FUT8: variants seen among roughly 807,000 people sequenced by gnomAD.
FUT8 encodes fucosyltransferase 8.
In FUT8, 29 loss-of-function variants were observed where a neutral mutation model predicts 71.3. That is an observed-to-expected ratio of 0.41 (90% CI 0.30 to 0.55). FUT8 has a LOEUF of 0.55. FUT8 is among the 20% of genes least tolerant of loss of function. FUT8 has a pLI of 0.34. For synonymous variants in FUT8, 254 were observed against 239.3 expected (o/e 1.06, Z -0.57); for missense variants, 544 against 702.1 (o/e 0.77, Z 2.55).
intron 7 of FUT8, among the ~76,000 whole-genome samples, chr14:65,712,034 C>A (rs1402560365): frequency 6.6e-6 from 1 of 152,122 alleles, no homozygotes; most frequent in Non-Finnish European, 1.5e-5. Context: ...TACATTATTT[C>A]TTTAATGGTA....
rs535226312 is a variant in FUT8, at chr14:65,693,195, A to G, written c.835+23715A>G. On this transcript the variant is annotated intron_variant, in intron 7 of 10. Transcript: ENST00000673929. ...GGTTGTAGCGAGCCGAGATCACGCC[A>G]CTGCACTCCAGCCTGGGCACCATTG... is the stretch of plus-strand genomic sequence containing the variant. 6.6e-5 allele frequency among the ~76,000 whole-genome samples: 10 copies of G among 152,336 alleles called. No homozygotes were observed. In the South Asian group the frequency reaches 2.1e-3, roughly 32 times the overall value.
At chr14:65,693,504 GGAAA>G (rs762279861) in intron 7 of FUT8, among the ~76,000 whole-genome samples, 4 of 152,230 alleles carry the variant, frequency 2.6e-5, no homozygotes, top group Non-Finnish European at 4.4e-5. Context: ...GGGAGACCGT[GGAAA>G]GAGAGGGAGA....
intron 7 of FUT8, among the ~76,000 whole-genome samples, chr14:65,692,368 CA>C (rs199838384): frequency 6.8e-6 from 1 of 146,344 alleles, no homozygotes; most frequent in East Asian, 2.1e-4. Context: ...CTGACCCCCC[CA>C]CCTCCCTCCC....
At chr14:65,679,639 C>T (rs1892941285) in intron 7 of FUT8, among the ~76,000 whole-genome samples, 1 of 152,140 alleles carries the variant, frequency 6.6e-6, no homozygotes, top group African/African-American at 2.4e-5. Flanking sequence ...TAAACAGTGA[C>T]ATAGTATCTT....
chr14:65,633,977 C>CGG (rs921223837), intron 6 of FUT8, among the ~76,000 whole-genome samples: 2 of 142,600 alleles, frequency 1.4e-5, no homozygotes, highest in African/African-American at 5.2e-5. Context: ...CCGCCCCATC[C>CGG]GGGAGGTGAG....
chr14:65,552,083 G>A (rs911217493), intron 2 of FUT8, among the ~76,000 whole-genome samples: 3 of 152,192 alleles, frequency 2.0e-5, no homozygotes, highest in East Asian at 1.9e-4. Flanking sequence ...TCAAATTATA[G>A]TATTATAACT....
At chr14:65,565,573 A>G (rs1886150614) in intron 3 of FUT8, among the ~76,000 whole-genome samples, 3 of 152,002 alleles carry the variant, frequency 2.0e-5, no homozygotes, top group African/African-American at 7.2e-5. Context: ...TAACTTTATA[A>G]GAAGCAACCC....
chr14:65,575,082 ATTATTTTATTTATTAAT>A (rs1566830023), intron 3 of FUT8, among the ~76,000 whole-genome samples: 1 of 150,962 alleles, frequency 6.6e-6, no homozygotes, highest in Non-Finnish European at 1.5e-5. Flanking sequence ...ATTTTATTTT[ATTATTTTATTTATTAAT>A]TTATTTTATT....
chr14:65,701,421 G>T (rs533564531), intron 7 of FUT8, among the ~76,000 whole-genome samples: 10 of 152,266 alleles, frequency 6.6e-5, no homozygotes, highest in African/African-American at 2.4e-4. Context: ...TGGGTTTTCT[G>T]TCCCAAAGTA....
At chr14:65,623,281 C>CT (rs200057529) in intron 5 of FUT8, among the ~76,000 whole-genome samples, 9,725 of 150,744 alleles carry the variant, frequency 0.065, 581 homozygotes, top group African/African-American at 0.15. Flanking sequence ...GACTAGAAGT[C>CT]TTTTTTTTTT....
chr14:65,594,302 C>G (rs1952605), intron 3 of FUT8, among the ~76,000 whole-genome samples: 128 of 152,274 alleles, frequency 8.4e-4, no homozygotes, highest in African/African-American at 2.9e-3. Flanking sequence ...CTCCACCCCT[C>G]GCAGGAGGGA....
At chr14:65,393,064 C>T in the FUT8 span, among the ~76,000 whole-genome samples, 1 of 152,090 alleles carries the variant, frequency 6.6e-6, no homozygotes, top group Non-Finnish European at 1.5e-5. Flanking sequence ...CCTTTTGGTT[C>T]CTTTGTGATA....
At position 65,564,107 on chromosome 14, in the gene FUT8, G is replaced by A. The variant is rs774176730; in HGVS notation, c.203+2341G>A. The stretch of plus-strand genomic sequence containing the variant: ...TCTTCCAAAGGGATGTCGTTTTAGA[G>A]CCCTCTGGCATGAAAGGAAGAGCAA... On this transcript the variant is annotated intron_variant, in intron 3 of 10. Coordinates refer to ENST00000673929, the MANE Select transcript of FUT8 (RefSeq NM_001371533.1). Among the ~76,000 whole-genome samples the A allele has an allele frequency of 1.2e-3, 181 of 152,038 alleles. 2 individuals carry two copies. The highest frequency in any genetic ancestry group is 1.4e-3 in the Admixed American group (22 of 15,232).
At chr14:65,497,250 AT>A (rs2066573367) in intron 2 of FUT8, among the ~76,000 whole-genome samples, 1 of 152,190 alleles carries the variant, frequency 6.6e-6, no homozygotes, top group Admixed American at 6.5e-5. Context: ...GGGAATGGGC[AT>A]TTTGATCAGA....
chr14:65,684,203 A>G (rs1893169403), intron 7 of FUT8, among the ~76,000 whole-genome samples: 1 of 152,156 alleles, frequency 6.6e-6, no homozygotes, highest in Admixed American at 6.5e-5. Context: ...TTATCAGTAC[A>G]TATTCCTCTG....
rs192936204 is a variant in FUT8 at position 65,680,411 on chromosome 14, G to A, written c.835+10931G>A. 1.1e-4 allele frequency among the ~76,000 whole-genome samples: 16 copies of A among 152,220 alleles called. No individual in the cohort carries two copies. In the East Asian group the frequency reaches 1.7e-3, roughly 17 times the overall value. ...ATAAGGGTTAAGACCATTGTTTTCC[G>A]TATTTTTATTCATTTGTTCTAGCCT... On this transcript the variant is annotated intron_variant, in intron 7 of 10. Coordinates refer to ENST00000673929, the MANE Select transcript of FUT8 (RefSeq NM_001371533.1).
chr14:65,561,901 T>G, intron 3 of FUT8, 135 bp downstream of exon 3: 3 of 727,948 alleles, frequency 4.1e-6, no homozygotes, highest in Non-Finnish European at 6.7e-6. Flanking sequence ...GCATGACAGT[T>G]TTCTATCTCT....
At chr14:65,378,837 GTTTTTTTTT>G in the FUT8 span, among the ~76,000 whole-genome samples, 20 of 66,830 alleles carry the variant, frequency 3.0e-4, no homozygotes, top group Non-Finnish European at 4.8e-4. Flanking sequence ...TCACAAGAAG[GTTTTTTTTT>G]TTTTTTTTTT....
chr14:65,372,811 C>T, the FUT8 span, among the ~76,000 whole-genome samples: 2 of 152,108 alleles, frequency 1.3e-5, no homozygotes, highest in African/African-American at 4.8e-5. Context: ...GCCTCTTCTG[C>T]TTCCTTCATT....
Sources: gnomAD v4.1 joint callset for allele counts (sites outside exome capture counted in the v4.1 genomes callset) on GRCh38, gnomAD v4.1.1 for gene constraint, MANE v1.5 for transcripts, NCBI Gene and HGNC (gene_info 2026-07-23, HGNC 2026-07-21) for gene names.